Variants in MYO5A observed in about 807,000 individuals in gnomAD.
MYO5A encodes the protein unconventional myosin-Va.
MYO5A carries 98 observed loss-of-function variants against 249.7 expected under a neutral mutation model. The ratio of observed to expected loss-of-function variants is 0.39; its 90% CI spans 0.33 to 0.46. The LOEUF is 0.46. Ranked by LOEUF, MYO5A falls within the 20% of genes least tolerant of loss-of-function variation. The pLI is 0.98. For synonymous variants in MYO5A, 778 were observed against 810.6 expected (o/e 0.96, Z 0.68); for missense variants, 1,696 against 2,308.8 (o/e 0.73, Z 5.44).
chr15:52,466,721 T>C (rs1274026443), intron 1 of MYO5A, among the ~76,000 whole-genome samples: 1 of 152,170 alleles, frequency 6.6e-6, no homozygotes, highest in African/African-American at 2.4e-5. Flanking sequence ...AGTGCAGGCC[T>C]AGCTAACTTA....
At chr15:52,489,393 T>C (rs1190738403) in intron 1 of MYO5A, among the ~76,000 whole-genome samples, 1 of 151,634 alleles carries the variant, frequency 6.6e-6, no homozygotes, top group Non-Finnish European at 1.5e-5. Flanking sequence ...TGAAACCCCG[T>C]CTCTACTAAA....
At chr15:52,440,493 C>T (rs996696024) in intron 1 of MYO5A, among the ~76,000 whole-genome samples, 1 of 152,178 alleles carries the variant, frequency 6.6e-6, no homozygotes, top group Admixed American at 6.5e-5. Flanking sequence ...GTCTTGAACC[C>T]CTGACCTCAG....
Position 52,397,449 on chromosome 15 carries a change from G to C in MYO5A, c.1071C>G (p.Leu357=). Residue 357 remains leucine (L), a synonymous_variant, in exon 10 of 42, where the codon CTC becomes CTG. Transcript: ENST00000399233. The part of the protein sequence containing the change: ...SCTIPPKHEP[L]CIFCELMGVD... ...CACCCATGAGTTCACAGAAGATGCA[G>C]AGAGGTTCATGCTTGGGCTGCCAAA... 1.9e-6 allele frequency: 3 copies of C among 1,614,030 alleles called. No homozygotes were observed. The highest frequency in any genetic ancestry group is 2.5e-6 in the Non-Finnish European group (3 of 1,179,924).
At chr15:52,473,494 C>A (rs1369988504) in intron 1 of MYO5A, among the ~76,000 whole-genome samples, 1 of 152,114 alleles carries the variant, frequency 6.6e-6, no homozygotes, top group Non-Finnish European at 1.5e-5. Flanking sequence ...AATGGTATTG[C>A]CTAGGTTTTC....
At chr15:52,517,316 C>A (rs1010192324) in intron 1 of MYO5A, among the ~76,000 whole-genome samples, 1 of 152,168 alleles carries the variant, frequency 6.6e-6, no homozygotes, top group Non-Finnish European at 1.5e-5. Flanking sequence ...CATATCACTT[C>A]CATTAGTGAA....
Position 52,351,365 on chromosome 15 carries a change from A to G in MYO5A, c.3738T>C (p.Arg1246=), listed in dbSNP as rs1455842344. The change falls in exon 28 of 42, where the codon CGT becomes CGC. Residue 1246 remains arginine, a synonymous_variant. Transcript: ENST00000399233. The stretch of plus-strand genomic sequence containing the variant: ...CAGAGGTCAGCTGCTCCATGAGGAC[A>G]CGGTAGGCAGGTGCACCTGGGGCGG... ...EVTAPGAPAY[R]VLMEQLTSVS... is the part of the protein sequence containing the mutation. 1 of 1,614,070 alleles carries G rather than the reference A, an allele frequency of 6.2e-7. No homozygotes were observed. The highest frequency in any genetic ancestry group is 1.7e-5 in the Admixed American group (1 of 59,996).
At chr15:52,516,531 C>T (rs1452343186) in intron 1 of MYO5A, among the ~76,000 whole-genome samples, 1 of 152,214 alleles carries the variant, frequency 6.6e-6, no homozygotes, top group African/African-American at 2.4e-5. Flanking sequence ...CACAATCAAC[C>T]CTTGCCCAGG....
At chr15:52,472,663 A>G (rs55789576) in intron 1 of MYO5A, among the ~76,000 whole-genome samples, 22,860 of 152,058 alleles carry the variant, frequency 0.15, 1,829 homozygotes, top group Middle Eastern at 0.22. Context: ...TGTCCTTGCG[A>G]TAGTTTGCTC....
chr15:52,525,693 C>A (rs767477962), intron 1 of MYO5A, among the ~76,000 whole-genome samples: 25 of 152,232 alleles, frequency 1.6e-4, no homozygotes, highest in Non-Finnish European at 3.1e-4. Context: ...AGGGGAAGAT[C>A]CTTGTGCTTA....
intron 1 of MYO5A, among the ~76,000 whole-genome samples, chr15:52,466,625 C>T (rs577013830): frequency 1.3e-5 from 2 of 152,166 alleles, no homozygotes; most frequent in Non-Finnish European, 2.9e-5. Flanking sequence ...GAGACATCAG[C>T]ATAACAGTGG....
intron 5 of MYO5A, among the ~76,000 whole-genome samples, chr15:52,412,102 G>C (rs2043275235): frequency 6.6e-6 from 1 of 152,158 alleles, no homozygotes; most frequent in Admixed American, 6.5e-5. Context: ...TTCTTCCGAA[G>C]AGCAAATGAA....
At chr15:52,391,018 C>A (rs2042211432) in intron 12 of MYO5A, among the ~76,000 whole-genome samples, 1 of 152,020 alleles carries the variant, frequency 6.6e-6, no homozygotes, top group African/African-American at 2.4e-5. Context: ...CCACAGTTTT[C>A]TTCTTATATG....
chr15:52,343,536 T>C (rs1596318658), intron 30 of MYO5A, among the ~76,000 whole-genome samples: 1 of 152,372 alleles, frequency 6.6e-6, no homozygotes, highest in African/African-American at 2.4e-5. Context: ...TCACATATTG[T>C]ATTAGAGGTT....
At chr15:52,368,102 AG>A (rs2040905055) in intron 22 of MYO5A, among the ~76,000 whole-genome samples, 1 of 152,218 alleles carries the variant, frequency 6.6e-6, no homozygotes, top group Admixed American at 6.5e-5. Context: ...TGAAAACAAG[AG>A]CTTTAATAAT....
chr15:52,319,406 CCATGTGCACAA>C lies in MYO5A; in HGVS notation c.4952-75_4952-65del, dbSNP rs1210413801. 3.6e-5 allele frequency: 53 copies of C among 1,484,566 alleles called. No homozygotes were observed. The African/African-American group carries it at 7.2e-4, about 20-fold the overall frequency. 92.0% of individuals were successfully genotyped at this position (1,484,566 alleles called of 1,614,324 possible). Reference sequence around the variant, plus strand: ...AAGGGAACCTTTCATGTGCACATATCCATGTGCACAAACACATGCACATTCAACTTAGGAAA... The same window carrying C: ...AAGGGAACCTTTCATGTGCACATATCACACATGCACATTCAACTTAGGAAA... On this transcript the variant is annotated intron_variant, in intron 38 of 41. Transcript: ENST00000399233.
In MYO5A at chr15:52,310,964, C is replaced by T. The variant is rs564620259; in HGVS notation, c.*2732G>A. On this transcript the variant is annotated 3_prime_UTR_variant, in exon 42 of 42. Transcript: ENST00000399233. ...AAGAGAGGTTAATTCAGACCCCCAT[C>T]TGGAGCTCTGGGTAGACCTGGGAGG... 139 of 152,338 alleles carry T rather than the reference C, an allele frequency of 9.1e-4. No homozygotes were observed. Among genetic ancestry groups the T allele is most frequent in the African/African-American group, 3.3e-3 (136 of 41,540 alleles). The allele number at this position is 152,338 out of a possible 1,614,324, so 9.4% of individuals were successfully genotyped here. A position where few individuals can be genotyped will look rare whatever the true frequency, so the allele number is the denominator to read the frequency against.
At chr15:52,388,778 C>A (rs2042080947) in intron 13 of MYO5A, among the ~76,000 whole-genome samples, 1 of 152,088 alleles carries the variant, frequency 6.6e-6, no homozygotes, top group South Asian at 2.1e-4. Context: ...ATCAGCTATG[C>A]TTTAGGACTC....
chr15:52,364,161 C>A (rs2040687327), intron 24 of MYO5A, among the ~76,000 whole-genome samples: 1 of 151,778 alleles, frequency 6.6e-6, no homozygotes, highest in Non-Finnish European at 1.5e-5. Flanking sequence ...TCACTTGAAC[C>A]TGGGAGGCGG....
chr15:52,368,316 C>T (rs1215569261), intron 22 of MYO5A, among the ~76,000 whole-genome samples: 1 of 152,192 alleles, frequency 6.6e-6, no homozygotes, highest in African/African-American at 2.4e-5. Context: ...AAAAAAGCCC[C>T]AGCTCTCTGT....
Sources: gnomAD v4.1 joint callset for allele counts (sites outside exome capture counted in the v4.1 genomes callset) on GRCh38, gnomAD v4.1.1 for gene constraint, MANE v1.5 for transcripts, NCBI Gene and HGNC (gene_info 2026-07-23, HGNC 2026-07-21) for gene names.